FAM135A: variants seen among roughly 807,000 people sequenced by gnomAD.
FAM135A encodes the protein protein FAM135A.
Under a neutral mutation model 146.8 loss-of-function variants are expected in FAM135A, and 79 were observed. That is an observed-to-expected ratio of 0.54 (90% CI 0.45 to 0.65). FAM135A has a LOEUF of 0.65. Among genes scored for constraint, FAM135A ranks in the 30% least tolerant of loss-of-function variants. The pLI is 0.00. For synonymous variants in FAM135A, 562 were observed against 603.6 expected, an observed-to-expected ratio of 0.93 and a Z score of 1.01; for missense variants, 1,623 against 1,758.2, an observed-to-expected ratio of 0.92 and a Z score of 1.38.
chr6:70,449,218 C>T (rs1251318063), intron 4 of FAM135A, among the ~76,000 whole-genome samples: 4 of 151,956 alleles, frequency 2.6e-5, no homozygotes, highest in Non-Finnish European at 4.4e-5. Context: ...AGCTAATTAA[C>T]GTATTTATCA....
chr6:70,516,868 T>A (rs1792387846), intron 12 of FAM135A, among the ~76,000 whole-genome samples: 1 of 152,142 alleles, frequency 6.6e-6, no homozygotes, highest in Non-Finnish European at 1.5e-5. Context: ...TTGATGGAAC[T>A]TATATTCTAG....
At chr6:70,532,822 C>A (rs1341158807) in intron 16 of FAM135A, among the ~76,000 whole-genome samples, 1 of 152,102 alleles carries the variant, frequency 6.6e-6, no homozygotes, top group Non-Finnish European at 1.5e-5. Flanking sequence ...GTCCCAGCTA[C>A]TTGGGAGCTT....
chr6:70,450,723 T>G (rs1255705885), intron 4 of FAM135A, among the ~76,000 whole-genome samples: 3 of 53,206 alleles, frequency 5.6e-5, no homozygotes, highest in Admixed American at 3.8e-4. Flanking sequence ...GTTGTTTTTT[T>G]TTTTTTTTTT....
Position 70,533,384 on chromosome 6 carries a change from A to G in FAM135A, c.3867+133A>G, listed in dbSNP as rs190337097. The G allele has an allele frequency of 2.9e-3, 1,353 of 463,598 alleles. 4 individuals carry two copies. The highest frequency in any genetic ancestry group is 4.5e-3 in the Non-Finnish European group (1,120 of 251,286). 28.7% of individuals were successfully genotyped at this position (463,598 alleles called of 1,614,324 possible). On this transcript the variant is annotated intron_variant, in intron 17 of 21. Coordinates refer to ENST00000418814, the MANE Select transcript of FAM135A (RefSeq NM_001162529.3). The stretch of plus-strand genomic sequence containing the variant: ...TTTCTATGAAATTTAATATAAATGT[A>G]TATCCAAAGGAAATATATATGATTT...
chr6:70,495,880 A>G (rs963495291), intron 11 of FAM135A, among the ~76,000 whole-genome samples: 3 of 152,154 alleles, frequency 2.0e-5, no homozygotes, highest in African/African-American at 7.2e-5. Context: ...GAGTGAGAAC[A>G]TGCGGTGTTT....
chr6:70,544,274 C>T (rs147960745), intron 20 of FAM135A, among the ~76,000 whole-genome samples: 2 of 152,086 alleles, frequency 1.3e-5, no homozygotes, highest in South Asian at 4.2e-4. Flanking sequence ...CATGGTGGCT[C>T]ACGCCTGTAA....
intron 5 of FAM135A, among the ~76,000 whole-genome samples, chr6:70,457,905 A>G (rs1348511851): frequency 2.0e-5 from 3 of 152,088 alleles, no homozygotes; most frequent in Non-Finnish European, 2.9e-5. Flanking sequence ...AGATTTAATC[A>G]TTGCTGCTGC....
intron 21 of FAM135A, chr6:70,557,803 C>T (rs2128514632): frequency 6.7e-6 from 1 of 149,628 alleles, no homozygotes; most frequent in South Asian, 2.2e-4. Context: ...TATTTTTCTA[C>T]ATTGTGACGG....
Position 70,525,982 on chromosome 6 carries a change from A to G in FAM135A, c.2898A>G (p.Thr966=). The G allele has an allele frequency of 6.2e-7, 1 of 1,613,258 alleles. No homozygotes were observed. Among genetic ancestry groups the G allele is most frequent in the South Asian group, 1.1e-5 (1 of 90,980 alleles). ...ATAACTCTACAGGGACAGCAATTACATTAAATTCAAAACTGATTTGTTTAG... is the reference window on the plus strand; with the variant it reads ...ATAACTCTACAGGGACAGCAATTACGTTAAATTCAAAACTGATTTGTTTAG... ...KSNNSTGTAI[T]LNSKLICLGT... The change falls in exon 15 of 22, where the codon ACA becomes ACG. Residue 966 remains threonine, a synonymous_variant. Transcript: ENST00000418814.
At chr6:70,432,190 A>G (rs1475135929) in intron 4 of FAM135A, among the ~76,000 whole-genome samples, 1 of 152,148 alleles carries the variant, frequency 6.6e-6, no homozygotes, top group African/African-American at 2.4e-5. Context: ...TCAGTATTTT[A>G]TTCTTCCTCT....
At chr6:70,420,323 C>T (rs373244677) in intron 2 of FAM135A, among the ~76,000 whole-genome samples, 2 of 152,170 alleles carry the variant, frequency 1.3e-5, no homozygotes, top group South Asian at 2.1e-4. Context: ...CTTGAGGGAC[C>T]TGTGTCTCTT....
intron 5 of FAM135A, among the ~76,000 whole-genome samples, chr6:70,453,277 T>G (rs1392227832): frequency 6.6e-6 from 1 of 152,206 alleles, no homozygotes; most frequent in Admixed American, 6.5e-5. Flanking sequence ...AAAATACACC[T>G]AACACTAGAG....
At chr6:70,461,590 CAAT>C (rs749957325) in intron 5 of FAM135A, among the ~76,000 whole-genome samples, 2 of 151,832 alleles carry the variant, frequency 1.3e-5, no homozygotes, top group Non-Finnish European at 2.9e-5. Context: ...TTCTGAAAAC[CAAT>C]AAAACTATTT....
At chr6:70,481,807 C>G (rs964318570) in intron 9 of FAM135A, among the ~76,000 whole-genome samples, 194 bp from the exon 10 acceptor site, 3 of 152,098 alleles carry the variant, frequency 2.0e-5, no homozygotes, top group Non-Finnish European at 2.9e-5. Flanking sequence ...CCCACTGTAA[C>G]AGAAATTACT....
At chr6:70,438,517 A>G (rs765132989) in intron 4 of FAM135A, among the ~76,000 whole-genome samples, 59 of 152,326 alleles carry the variant, frequency 3.9e-4, no homozygotes, top group Non-Finnish European at 6.5e-4. Context: ...ATATACCACC[A>G]GCCAATTAGT....
At chr6:70,477,022 G>T in intron 7 of FAM135A, 137 bp from the exon 8 acceptor site, 1 of 837,526 alleles carries the variant, frequency 1.2e-6, no homozygotes, top group Non-Finnish European at 1.8e-6. Flanking sequence ...ATGCAACTTT[G>T]ATGCTTTAAA....
intron 5 of FAM135A, among the ~76,000 whole-genome samples, chr6:70,473,706 T>C (rs73482554): frequency 0.2 from 30,642 of 151,994 alleles, 3,389 homozygotes; most frequent in African/African-American, 0.29. Flanking sequence ...TATGTGGACC[T>C]CCTCCTTACC....
At chr6:70,554,525 A>G (rs908096676) in intron 20 of FAM135A, among the ~76,000 whole-genome samples, 13 of 152,264 alleles carry the variant, frequency 8.5e-5, no homozygotes, top group Admixed American at 3.3e-4. Flanking sequence ...AGACACGTAG[A>G]AAACTCATGA....
intron 11 of FAM135A, among the ~76,000 whole-genome samples, chr6:70,501,771 C>A (rs995619796): frequency 1.2e-4 from 19 of 152,290 alleles, no homozygotes; most frequent in Admixed American, 1.2e-3. Context: ...CCTGCTTCTA[C>A]TCACCCTCCG....
Sources: allele counts gnomAD v4.1 joint callset (sites outside exome capture counted in the v4.1 genomes callset), GRCh38; gene constraint gnomAD v4.1.1; transcripts MANE v1.5; gene names NCBI Gene and HGNC (gene_info 2026-07-23, HGNC 2026-07-21).